Variants in HPSE2 observed in about 807,000 individuals in gnomAD.
HPSE2 encodes heparanase 2 (inactive).
HPSE2 carries 38 observed loss-of-function variants against 60.5 expected under a neutral mutation model. That is an observed-to-expected ratio of 0.63 (90% CI 0.48 to 0.82). The LOEUF (loss-of-function observed/expected upper bound fraction) is 0.82. Ranked by LOEUF, HPSE2 falls within the 40% of genes least tolerant of loss-of-function variation. The pLI is 0.00. For missense variants in HPSE2, 713 were observed against 740.4 expected (o/e 0.96, Z 0.43); for synonymous variants, 295 against 293.2 (o/e 1.01, Z -0.06).
intron 2 of HPSE2, among the ~76,000 whole-genome samples, chr10:99,223,429 T>G (rs1849375705): frequency 6.6e-6 from 1 of 152,146 alleles, no homozygotes; most frequent in African/African-American, 2.4e-5. Flanking sequence ...GCAGTTTACC[T>G]TTTCCCAGCT....
intron 3 of HPSE2, among the ~76,000 whole-genome samples, chr10:99,134,299 G>A (rs188073716): frequency 2.4e-4 from 36 of 152,170 alleles, no homozygotes; most frequent in East Asian, 5.8e-4. Flanking sequence ...AACACTCTTC[G>A]GGATATTATC....
chr10:98,472,063 A>G (rs1554911329), intron 11 of HPSE2, among the ~76,000 whole-genome samples: 1 of 152,260 alleles, frequency 6.6e-6, no homozygotes. Context: ...AAAGAATCCA[A>G]ACTCCTCTGG....
chr10:98,966,436 C>T (rs1420453021), intron 3 of HPSE2, among the ~76,000 whole-genome samples: 1 of 152,122 alleles, frequency 6.6e-6, no homozygotes, highest in East Asian at 1.9e-4. Context: ...TTCCCCTAAG[C>T]ATATACTATC....
At chr10:98,741,970 A>T (rs1949508477) in intron 4 of HPSE2, among the ~76,000 whole-genome samples, 1 of 152,186 alleles carries the variant, frequency 6.6e-6, no homozygotes, top group Non-Finnish European at 1.5e-5. Flanking sequence ...TATACAACAT[A>T]AAATACCAAA....
In HPSE2 at chr10:98,878,288, G is replaced by A. The variant is rs560828215; in HGVS notation, c.611-134232C>T. On this transcript the variant is annotated intron_variant, in intron 3 of 11. Coordinates refer to ENST00000370552, the MANE Select transcript of HPSE2 (RefSeq NM_021828.5). ...AAGAGATCTATTTTTTTTCCTGGGA[G>A]TCATGAAAGGCCTCCTTGAGGAAAT... is the stretch of plus-strand genomic sequence containing the variant. Among the ~76,000 whole-genome samples, 14 of 151,996 alleles carry A rather than the reference G, an allele frequency of 9.2e-5. No homozygotes were observed. The South Asian group carries it at 2.9e-3, about 32-fold the overall frequency.
intron 1 of HPSE2, among the ~76,000 whole-genome samples, chr10:99,233,652 G>C (rs1849743043): frequency 6.6e-6 from 1 of 152,222 alleles, no homozygotes; most frequent in Non-Finnish European, 1.5e-5. Flanking sequence ...GCATCATAAA[G>C]GAGGTGGATA....
intron 3 of HPSE2, chr10:99,013,925 T>C (rs1957074383): frequency 4.6e-6 from 2 of 432,540 alleles, no homozygotes; most frequent in Non-Finnish European, 4.8e-6. Flanking sequence ...TTGAACAGTC[T>C]CCATATCCTG....
At chr10:98,493,270 T>C (rs1192403419) in intron 9 of HPSE2, among the ~76,000 whole-genome samples, 1 of 152,244 alleles carries the variant, frequency 6.6e-6, no homozygotes, top group African/African-American at 2.4e-5. Context: ...AAAAAATGTA[T>C]ATGCTATTGT....
At chr10:98,909,635 TAAA>T (rs770316849) in intron 3 of HPSE2, among the ~76,000 whole-genome samples, 1 of 134,814 alleles carries the variant, frequency 7.4e-6, no homozygotes, top group Non-Finnish European at 1.6e-5. Context: ...TCTCAAAATT[TAAA>T]AAAAAAAAAA....
At position 98,648,609 on chromosome 10, in the gene HPSE2, C is replaced by T. The variant is rs182436235; in HGVS notation, c.1005-6669G>A. 2.1e-3 allele frequency among the ~76,000 whole-genome samples: 319 copies of T among 151,934 alleles called. 3 individuals carry two copies. The highest frequency in any genetic ancestry group is 7.0e-3 in the African/African-American group (292 of 41,448). The stretch of plus-strand genomic sequence containing the variant: ...AGCTTGGGCAACATAGCGAGACCCT[C>T]GTCTCTACAAAAAATAAAAAAATTA... On this transcript the variant is annotated intron_variant, in intron 6 of 11. Transcript: ENST00000370552.
intron 3 of HPSE2, among the ~76,000 whole-genome samples, chr10:98,747,042 T>C (rs1238628984): frequency 6.6e-6 from 1 of 151,980 alleles, no homozygotes; most frequent in East Asian, 1.9e-4. Flanking sequence ...TATCCAGAAG[T>C]TTCCTTGAGA....
intron 3 of HPSE2, among the ~76,000 whole-genome samples, chr10:99,107,558 AT>A (rs1235579792): frequency 1.3e-5 from 2 of 152,148 alleles, no homozygotes; most frequent in African/African-American, 4.8e-5. Context: ...TCTAAATTAT[AT>A]TTTTATTTTG....
At chr10:98,938,748 C>T (rs1954891948) in intron 3 of HPSE2, among the ~76,000 whole-genome samples, 2 of 143,306 alleles carry the variant, frequency 1.4e-5, no homozygotes, top group Admixed American at 6.9e-5. Context: ...CACAAAGATA[C>T]TCCTCAAGAA....
chr10:99,019,118 C>T (rs1387603584), intron 3 of HPSE2, among the ~76,000 whole-genome samples: 1 of 152,180 alleles, frequency 6.6e-6, no homozygotes, highest in Non-Finnish European at 1.5e-5. Context: ...TGTCAAGTAA[C>T]CTCCATCCTC....
intron 3 of HPSE2, among the ~76,000 whole-genome samples, chr10:99,119,389 G>C (rs1589687350): frequency 6.6e-6 from 1 of 150,922 alleles, no homozygotes; most frequent in East Asian, 1.9e-4. Flanking sequence ...TAATGAGAGA[G>C]GTAAAAAATC....
At chr10:98,832,727 T>TA (rs1951711144) in intron 3 of HPSE2, among the ~76,000 whole-genome samples, 1 of 152,012 alleles carries the variant, frequency 6.6e-6, no homozygotes, top group South Asian at 2.1e-4. Flanking sequence ...ATTTAGATAA[T>TA]AAAAAAAGGA....
chr10:99,255,724 G>A, the HPSE2 span, among the ~76,000 whole-genome samples: 1 of 152,068 alleles, frequency 6.6e-6, no homozygotes, highest in African/African-American at 2.4e-5. Flanking sequence ...AAATATATAG[G>A]TAGCATCATA....
intron 3 of HPSE2, among the ~76,000 whole-genome samples, chr10:98,779,668 G>A (rs1167078895): frequency 1.3e-5 from 2 of 151,958 alleles, no homozygotes; most frequent in Non-Finnish European, 2.9e-5. Context: ...AAACTAATAA[G>A]GATATTTTAA....
intron 3 of HPSE2, among the ~76,000 whole-genome samples, chr10:98,996,433 G>A (rs889062375): frequency 2.6e-5 from 4 of 152,130 alleles, no homozygotes; most frequent in Admixed American, 1.3e-4. Context: ...TAGTTTGGCA[G>A]TTTCTTAAAA....
Sources: gnomAD v4.1 joint callset for allele counts (sites outside exome capture counted in the v4.1 genomes callset) on GRCh38, gnomAD v4.1.1 for gene constraint, MANE v1.5 for transcripts, NCBI Gene and HGNC (gene_info 2026-07-23, HGNC 2026-07-21) for gene names.